The following ITGBL1 variants were observed in gnomAD, a reference collection of about 807,000 sequenced individuals.
The protein encoded by ITGBL1 is integrin subunit beta like 1, also known as integrin beta-like protein 1.
ITGBL1 carries 51 observed loss-of-function variants against 68.5 expected under a neutral mutation model. That is an observed-to-expected ratio of 0.74 (90% CI 0.59 to 0.94). The LOEUF (loss-of-function observed/expected upper bound fraction) is 0.94. Among genes scored for constraint, ITGBL1 ranks in the 40% least tolerant of loss-of-function variants. The pLI, the probability that ITGBL1 is intolerant of heterozygous loss-of-function variation, is 0.00. For missense variants in ITGBL1, 649 were observed against 647.4 expected (o/e 1.00, Z -0.03); for synonymous variants, 209 against 227.3 (o/e 0.92, Z 0.72).
chr13:101,562,576 G>A (rs2050117472), intron 2 of ITGBL1, among the ~76,000 whole-genome samples: 2 of 151,800 alleles, frequency 1.3e-5, no homozygotes, highest in African/African-American at 2.4e-5. Context: ...TAATATCAAG[G>A]ATAAAGAGAG....
intron 7 of ITGBL1, 22 bp downstream of exon 7, chr13:101,598,321 T>G (rs1382880362): frequency 1.3e-6 from 2 of 1,561,416 alleles, no homozygotes; most frequent in East Asian, 4.7e-5. Flanking sequence ...CTCTCAGGGC[T>G]TCCCACGGCC....
intron 7 of ITGBL1, 149 bp from the exon 8 acceptor site, chr13:101,692,436 G>T (rs1162070754): frequency 1.7e-6 from 1 of 596,930 alleles, no homozygotes; most frequent in African/African-American, 1.9e-5. Context: ...ACCTTAGGGA[G>T]GTTGGAAATG....
intron 2 of ITGBL1, among the ~76,000 whole-genome samples, chr13:101,497,091 A>G (rs547938073): frequency 6.6e-6 from 1 of 152,308 alleles, no homozygotes; most frequent in African/African-American, 2.4e-5. Context: ...CTGAGGCCAG[A>G]GGGAAAAGAG....
intron 7 of ITGBL1, among the ~76,000 whole-genome samples, chr13:101,621,217 G>A (rs1470045619): frequency 6.6e-6 from 1 of 152,132 alleles, no homozygotes; most frequent in Non-Finnish European, 1.5e-5. Flanking sequence ...TTGTACAAGT[G>A]TATGTCTCCA....
At chr13:101,640,676 GGGT>G (rs1466868627) in intron 7 of ITGBL1, among the ~76,000 whole-genome samples, 14 of 152,126 alleles carry the variant, frequency 9.2e-5, no homozygotes. Flanking sequence ...TTTGTTACAT[GGGT>G]ACACTGTGTG....
chr13:101,678,587 C>T (rs1400792177), intron 7 of ITGBL1, among the ~76,000 whole-genome samples: 2 of 151,298 alleles, frequency 1.3e-5, no homozygotes, highest in Non-Finnish European at 2.9e-5. Context: ...GCAACCTCTG[C>T]CTCCTGGGTT....
chr13:101,715,489 G>T, intron 10 of ITGBL1, 74 bp from the exon 11 acceptor site: 1 of 997,184 alleles, frequency 1.0e-6, no homozygotes, highest in Non-Finnish European at 1.6e-6. Context: ...GTGGACACTT[G>T]TGATTTATAA....
At chr13:101,545,644 G>C (rs1265687756) in intron 2 of ITGBL1, among the ~76,000 whole-genome samples, 1 of 152,098 alleles carries the variant, frequency 6.6e-6, no homozygotes, top group Non-Finnish European at 1.5e-5. Flanking sequence ...TAAAGTTAGT[G>C]CATTCAAAAG....
chr13:101,712,854 T>C (rs1332007094), intron 9 of ITGBL1: 1 of 152,166 alleles, frequency 6.6e-6, no homozygotes, highest in Non-Finnish European at 1.5e-5. Flanking sequence ...CTCACCTTGA[T>C]GAGACCACAA....
intron 7 of ITGBL1, among the ~76,000 whole-genome samples, chr13:101,643,048 C>T (rs2139434558): frequency 6.8e-6 from 1 of 147,258 alleles, no homozygotes; most frequent in South Asian, 2.2e-4. Context: ...GCGATGTGGG[C>T]TCTTTTTTGG....
chr13:101,499,855 C>T (rs1309893692), intron 2 of ITGBL1, among the ~76,000 whole-genome samples: 1 of 152,070 alleles, frequency 6.6e-6, no homozygotes, highest in Non-Finnish European at 1.5e-5. Flanking sequence ...TGCCTGTGTC[C>T]CCTAATTTGC....
intron 3 of ITGBL1, among the ~76,000 whole-genome samples, chr13:101,575,069 G>A (rs988863130): frequency 2.0e-5 from 3 of 152,100 alleles, no homozygotes; most frequent in Admixed American, 6.6e-5. Context: ...CCCTCACAAA[G>A]CTTAGAATTT....
intron 7 of ITGBL1, among the ~76,000 whole-genome samples, chr13:101,617,904 A>C (rs998453675): frequency 1.3e-5 from 2 of 152,178 alleles, no homozygotes; most frequent in Non-Finnish European, 2.9e-5. Context: ...CAGTAGTAAC[A>C]GTGGTTTGTT....
At chr13:101,518,269 A>G (rs2049227358) in intron 2 of ITGBL1, among the ~76,000 whole-genome samples, 2 of 152,312 alleles carry the variant, frequency 1.3e-5, no homozygotes, top group Non-Finnish European at 2.9e-5. Context: ...CTTTTTTAGT[A>G]TGCAATAATT....
At chr13:101,475,954 T>G (rs565064226) in intron 2 of ITGBL1, among the ~76,000 whole-genome samples, 6 of 152,198 alleles carry the variant, frequency 3.9e-5, no homozygotes, top group Admixed American at 2.6e-4. Context: ...GAAATGCTAG[T>G]TTTTCAATCT....
intron 8 of ITGBL1, among the ~76,000 whole-genome samples, chr13:101,704,940 C>G (rs986863109): frequency 2.0e-5 from 3 of 151,968 alleles, no homozygotes; most frequent in Non-Finnish European, 4.4e-5. Flanking sequence ...TTACTTTTTT[C>G]CTTTTTTGCT....
chr13:101,516,402 CA>C (rs1346232857), intron 2 of ITGBL1, among the ~76,000 whole-genome samples: 1 of 152,076 alleles, frequency 6.6e-6, no homozygotes, highest in East Asian at 1.9e-4. Flanking sequence ...TAGTTTTATT[CA>C]GAATCACATA....
At chr13:101,540,661 C>T (rs1382467236) in intron 2 of ITGBL1, among the ~76,000 whole-genome samples, 3 of 152,266 alleles carry the variant, frequency 2.0e-5, no homozygotes, top group East Asian at 1.9e-4. Flanking sequence ...GCCATTTTCA[C>T]GATATCGATT....
At chr13:101,527,479 T>C (rs1594867420) in intron 2 of ITGBL1, among the ~76,000 whole-genome samples, 1 of 152,242 alleles carries the variant, frequency 6.6e-6, no homozygotes, top group South Asian at 2.1e-4. Flanking sequence ...TGGATGGTCA[T>C]TTGAGTTGTT....
Sources: allele counts gnomAD v4.1 joint callset (sites outside exome capture counted in the v4.1 genomes callset), GRCh38; gene constraint gnomAD v4.1.1; transcripts MANE v1.5; gene names NCBI Gene and HGNC (gene_info 2026-07-23, HGNC 2026-07-21).